The following FHL5 variants were observed in gnomAD, a reference collection of about 807,000 sequenced individuals.
The protein encoded by FHL5 is four and a half LIM domains 5.
Under a neutral mutation model 32.0 loss-of-function variants are expected in FHL5, and 33 were observed. The ratio of observed to expected loss-of-function variants is 1.03; its 90% CI spans 0.78 to 1.38. The LOEUF (loss-of-function observed/expected upper bound fraction) is 1.38. Among genes scored for constraint, FHL5 ranks in the 40% most tolerant of loss-of-function variants. The probability of loss-of-function intolerance (pLI) is 0.00; values close to 1 mark genes in which losing one functional copy is unlikely to be tolerated. For missense variants in FHL5, 336 were observed against 343.9 expected, an observed-to-expected ratio of 0.98 and a Z score of 0.18; for synonymous variants, 114 against 113.6, an observed-to-expected ratio of 1.00 and a Z score of -0.02.
chr6:96,571,164 C>A (rs551529223), intron 1 of FHL5, among the ~76,000 whole-genome samples: 1 of 151,978 alleles, frequency 6.6e-6, no homozygotes, highest in Non-Finnish European at 1.5e-5. Context: ...AGTCTTTCAT[C>A]CTGCAGTTGA....
chr6:96,615,625 G>C lies in FHL5; in HGVS notation c.708G>C (p.Lys236Asn). ...CCTTTACAGGTCTCACAGGTGCCAAGTTTATCTGCTTTCAAGACAGCCAGT... is the reference window on the plus strand; with the variant it reads ...CCTTTACAGGTCTCACAGGTGCCAACTTTATCTGCTTTCAAGACAGCCAGT... ...SKPISGLTGAKFICFQDSQWH... is the reference protein window; with the variant it reads ...SKPISGLTGANFICFQDSQWH... The change falls in exon 6 of 6, where the codon AAG becomes AAC. Residue 236 changes from lysine to asparagine, a missense_variant. By Grantham distance (94) the Lys-to-Asn change is moderately conservative. Transcript: ENST00000450218. 2.5e-6 allele frequency: 4 copies of C among 1,609,906 alleles called. No homozygotes were observed. Among genetic ancestry groups the C allele is most frequent in the Non-Finnish European group, 3.4e-6 (4 of 1,178,188 alleles).
Position 96,615,872 on chromosome 6 carries a change from T to A in FHL5, c.*100T>A. ...TTTTGACTTAAGTTTTAGAAAATAT[T>A]CATGTAGTTTAGAGTGGAAAAGTTT... On this transcript the variant is annotated 3_prime_UTR_variant, in exon 6 of 6. Transcript: ENST00000450218. The A allele has an allele frequency of 9.4e-7, 1 of 1,063,068 alleles. No individual in the cohort carries two copies. Among genetic ancestry groups the A allele is most frequent in the Non-Finnish European group, 1.3e-6 (1 of 753,542 alleles). 65.9% of individuals were successfully genotyped at this position (1,063,068 alleles called of 1,614,324 possible). A position where few individuals can be genotyped will look rare whatever the true frequency, so the allele number is the denominator to read the frequency against.
intron 1 of FHL5, among the ~76,000 whole-genome samples, chr6:96,581,636 T>A (rs946426853): frequency 6.6e-6 from 1 of 152,068 alleles, no homozygotes; most frequent in Non-Finnish European, 1.5e-5. Context: ...AACTTCCCCA[T>A]CAAATGGCAA....
chr6:96,573,979 AC>A (rs1278792782), intron 1 of FHL5, among the ~76,000 whole-genome samples: 1 of 151,994 alleles, frequency 6.6e-6, no homozygotes, highest in African/African-American at 2.4e-5. Context: ...ATACTCCTTA[AC>A]TTCAATTAAG....
intron 4 of FHL5, among the ~76,000 whole-genome samples, chr6:96,609,581 A>C (rs1771354317): frequency 6.6e-6 from 1 of 152,216 alleles, no homozygotes; most frequent in African/African-American, 2.4e-5. Context: ...ACTGCACATC[A>C]CACCTTAAGG....
intron 1 of FHL5, among the ~76,000 whole-genome samples, chr6:96,579,397 T>C (rs1458007601): frequency 1.3e-5 from 2 of 152,192 alleles, no homozygotes; most frequent in African/African-American, 4.8e-5. Context: ...ATATGCTAGC[T>C]ATCATTATTT....
chr6:96,575,735 G>A (rs562277519), intron 1 of FHL5, among the ~76,000 whole-genome samples: 10 of 152,246 alleles, frequency 6.6e-5, no homozygotes, highest in Admixed American at 1.3e-4. Context: ...TCTCTCTTAC[G>A]ATCTTTAACT....
At chr6:96,577,510 G>A (rs1012811347) in intron 1 of FHL5, among the ~76,000 whole-genome samples, 3 of 152,064 alleles carry the variant, frequency 2.0e-5, no homozygotes, top group Non-Finnish European at 4.4e-5. Flanking sequence ...TTTATCAGAT[G>A]AGAATGCAGA....
chr6:96,569,770 T>C (rs1175326213), intron 1 of FHL5, among the ~76,000 whole-genome samples: 1 of 129,348 alleles, frequency 7.7e-6, no homozygotes, highest in Non-Finnish European at 1.8e-5. Context: ...CTTATTTTTA[T>C]TCTATATGTG....
intron 1 of FHL5, among the ~76,000 whole-genome samples, chr6:96,576,982 T>G (rs920775880): frequency 3.3e-5 from 5 of 152,204 alleles, no homozygotes; most frequent in African/African-American, 9.6e-5. Flanking sequence ...ATCAACATGT[T>G]GTGTTTCCAA....
chr6:96,589,177 C>G (rs184863892), intron 1 of FHL5, among the ~76,000 whole-genome samples: 2 of 152,130 alleles, frequency 1.3e-5, no homozygotes, highest in Admixed American at 1.3e-4. Flanking sequence ...ATTTGATTCT[C>G]TCTTCTCCTC....
intron 4 of FHL5, among the ~76,000 whole-genome samples, chr6:96,609,316 C>G (rs993250081): frequency 6.6e-6 from 1 of 152,108 alleles, no homozygotes; most frequent in African/African-American, 2.4e-5. Context: ...ACCTCAGATA[C>G]CCCATTGCTT....
At chr6:96,600,373 A>T (rs2127970945) in intron 1 of FHL5, among the ~76,000 whole-genome samples, 1 of 152,258 alleles carries the variant, frequency 6.6e-6, no homozygotes, top group East Asian at 1.9e-4. Flanking sequence ...ACGACTCAAC[A>T]TTTCCCATCT....
chr6:96,580,784 CCTAA>C (rs529162824), intron 1 of FHL5, among the ~76,000 whole-genome samples: 17 of 152,234 alleles, frequency 1.1e-4, no homozygotes, highest in African/African-American at 3.9e-4. Flanking sequence ...GAAAGTTCTT[CCTAA>C]CTAATTTGTT....
chr6:96,607,406 T>C (rs985694534), intron 4 of FHL5, among the ~76,000 whole-genome samples: 1 of 148,986 alleles, frequency 6.7e-6, no homozygotes, highest in Non-Finnish European at 1.5e-5. Context: ...CACATGCACA[T>C]ACACACACAC....
At chr6:96,592,920 T>C (rs1282372654) in intron 1 of FHL5, among the ~76,000 whole-genome samples, 1 of 152,162 alleles carries the variant, frequency 6.6e-6, no homozygotes, top group Non-Finnish European at 1.5e-5. Context: ...TTTTTAAAAT[T>C]TGGGGCATGT....
At chr6:96,578,971 G>A (rs1562053862) in intron 1 of FHL5, among the ~76,000 whole-genome samples, 1 of 152,148 alleles carries the variant, frequency 6.6e-6, no homozygotes, top group Middle Eastern at 3.2e-3. Context: ...TCTGAAAAGA[G>A]AGACTGGCTG....
intron 5 of FHL5, among the ~76,000 whole-genome samples, chr6:96,613,403 C>G (rs1264129802): frequency 6.6e-6 from 1 of 152,178 alleles, no homozygotes; most frequent in Non-Finnish European, 1.5e-5. Flanking sequence ...CTTAAACTAT[C>G]AGGGATAAAT....
chr6:96,611,564 A>T (rs535969493), intron 5 of FHL5, among the ~76,000 whole-genome samples: 1 of 152,344 alleles, frequency 6.6e-6, no homozygotes, highest in South Asian at 2.1e-4. Flanking sequence ...TAATCACTTA[A>T]TAATGTGTCA....
Sources: gnomAD v4.1 joint callset for allele counts (sites outside exome capture counted in the v4.1 genomes callset) on GRCh38, gnomAD v4.1.1 for gene constraint, MANE v1.5 for transcripts, NCBI Gene and HGNC (gene_info 2026-07-23, HGNC 2026-07-21) for gene names.